The following KDM1A variants were observed in gnomAD, a reference collection of about 807,000 sequenced individuals.
The protein encoded by KDM1A is lysine demethylase 1A, also known as lysine-specific histone demethylase 1A.
Under a neutral mutation model 109.4 loss-of-function variants are expected in KDM1A, and 49 were observed. That is an observed-to-expected ratio of 0.45 (90% confidence interval 0.36 to 0.57). The LOEUF (loss-of-function observed/expected upper bound fraction) is 0.57. Ranked by LOEUF, KDM1A falls within the 20% of genes least tolerant of loss-of-function variation. The probability of loss-of-function intolerance (pLI) is 0.00; values close to 1 mark genes in which losing one functional copy is unlikely to be tolerated. For synonymous variants in KDM1A, 380 were observed against 415.4 expected (o/e 0.91, Z 1.04); for missense variants, 668 against 1,116.6 (o/e 0.60, Z 5.73).
chr1:23,054,586 A>G (rs1284179650), intron 5 of KDM1A, among the ~76,000 whole-genome samples: 1 of 152,072 alleles, frequency 6.6e-6, no homozygotes, highest in Non-Finnish European at 1.5e-5. Context: ...GCCAGGCACC[A>G]TCATGCATGG....
chr1:23,019,623 C>T lies in KDM1A; in HGVS notation c.27C>T (p.Ala9=). The change falls in exon 1 of 21, where the codon GCC becomes GCT. Residue 9 remains alanine (A), a synonymous_variant. Transcript: ENST00000400181. ...TGTTATCTGGGAAGAAGGCGGCAGC[C>T]GCGGCGGCGGCGGCTGCAGCGGCAG... is the stretch of plus-strand genomic sequence containing the variant. The part of the protein sequence containing the change: MLSGKKAA[A]AAAAAAAAAT... 1 of 1,418,186 alleles carries T rather than the reference C, an allele frequency of 7.1e-7. No homozygotes were observed. Among genetic ancestry groups the T allele is most frequent in the Non-Finnish European group, 9.1e-7 (1 of 1,095,160 alleles). The allele number at this position is 1,418,186 out of a possible 1,614,324, so 87.9% of individuals were successfully genotyped here.
At chr1:23,075,973 A>G (rs1453083913) in intron 15 of KDM1A, among the ~76,000 whole-genome samples, 1 of 152,182 alleles carries the variant, frequency 6.6e-6, no homozygotes, top group Non-Finnish European at 1.5e-5. Context: ...TTGACTTCTT[A>G]ATCTTTAGAT....
At chr1:23,064,400 G>A (rs914005118) in intron 9 of KDM1A, among the ~76,000 whole-genome samples, 1 of 152,198 alleles carries the variant, frequency 6.6e-6, no homozygotes, top group Admixed American at 6.5e-5. Flanking sequence ...ATGGGGAGGT[G>A]GAGATTGACT....
At chr1:23,041,435 C>CTTTT (rs66720696) in intron 2 of KDM1A, among the ~76,000 whole-genome samples, 177 of 53,030 alleles carry the variant, frequency 3.3e-3, no homozygotes, top group African/African-American at 5.6e-3. Context: ...TCTTTTCTTG[C>CTTTT]TTTTTTTTTT....
intron 9 of KDM1A, among the ~76,000 whole-genome samples, chr1:23,063,196 T>TGGC (rs1553130153): frequency 0.072 from 2,814 of 39,228 alleles, 337 homozygotes; most frequent in African/African-American, 0.19. Context: ...GCTGTAGCAT[T>TGGC]GGGGGGGGGG....
At chr1:23,022,082 T>C (rs767833058) in intron 1 of KDM1A, among the ~76,000 whole-genome samples, 2 of 152,224 alleles carry the variant, frequency 1.3e-5, no homozygotes, top group African/African-American at 4.8e-5. Flanking sequence ...TTGACGCACA[T>C]TGGGGTTTGT....
intron 15 of KDM1A, 106 bp downstream of exon 15, chr1:23,073,509 A>G: frequency 1.4e-6 from 1 of 690,490 alleles, no homozygotes; most frequent in East Asian, 2.5e-5. Context: ...AGTAAGAGAC[A>G]TCATTTACAT....
At position 23,073,388 on chromosome 1, in the gene KDM1A, T is replaced by C. The variant is rs375423176; in HGVS notation, c.1719T>C (p.Leu573=). ...CCACACCTCTCTCAACTCTCTCCCT[T>C]AAGCACTGGGATCAGGTAAGTTTCC... ...ANATPLSTLS[L]KHWDQDDDFE... Residue 573 remains leucine, a synonymous_variant, in exon 15 of 21, where the codon CTT becomes CTC. Coordinates refer to ENST00000400181, the MANE Select transcript of KDM1A (RefSeq NM_001009999.3). The C allele has an allele frequency of 8.8e-6, 14 of 1,595,818 alleles. No homozygotes were observed. Among genetic ancestry groups the C allele is most frequent in the Non-Finnish European group, 1.2e-5 (14 of 1,163,684 alleles).
intron 1 of KDM1A, among the ~76,000 whole-genome samples, chr1:23,022,762 G>A (rs755879925): frequency 9.0e-5 from 13 of 144,870 alleles, no homozygotes; most frequent in East Asian, 4.3e-4. Flanking sequence ...GGGTTCAAGC[G>A]ATTCTCCTGC....
chr1:23,029,145 A>G (rs1641899007), intron 1 of KDM1A, among the ~76,000 whole-genome samples: 1 of 152,132 alleles, frequency 6.6e-6, no homozygotes. Context: ...AAGAGCAAAA[A>G]GACAGTATAA....
In KDM1A at chr1:23,019,950, A is replaced by G. The variant is rs377073827; in HGVS notation, c.351+3A>G. ...CCAGCCGGCGCAAGCGGGCGAAGGT[A>G]AGGCTCGACCCTTCCCTCAAACGAC... On this transcript the variant is annotated splice_donor_region_variant and intron_variant, in intron 1 of 20. Coordinates refer to ENST00000400181, the MANE Select transcript of KDM1A (RefSeq NM_001009999.3). 56 of 1,552,550 alleles carry G rather than the reference A, an allele frequency of 3.6e-5. No individual in the cohort carries two copies. Among genetic ancestry groups the G allele is most frequent in the Non-Finnish European group, 4.7e-5 (54 of 1,152,718 alleles).
At chr1:23,041,389 CT>C (rs1436060944) in intron 2 of KDM1A, among the ~76,000 whole-genome samples, 1 of 131,128 alleles carries the variant, frequency 7.6e-6, no homozygotes, top group African/African-American at 2.9e-5. Context: ...TGCTTGGTTT[CT>C]TTCTACTCCT....
intron 8 of KDM1A, among the ~76,000 whole-genome samples, chr1:23,058,473 TAA>T (rs1452907418): frequency 6.6e-6 from 1 of 152,184 alleles, no homozygotes; most frequent in Non-Finnish European, 1.5e-5. Flanking sequence ...TTTAGAAATC[TAA>T]AGAGATAGGT....
At position 23,019,823 on chromosome 1, in the gene KDM1A, A is replaced by G; in HGVS notation, c.227A>G (p.Glu76Gly). 1.4e-6 allele frequency: 2 copies of G among 1,426,472 alleles called. No homozygotes were observed. The highest frequency in any genetic ancestry group is 1.8e-6 in the Non-Finnish European group (2 of 1,091,650). 88.4% of individuals were successfully genotyped at this position (1,426,472 alleles called of 1,614,324 possible). The change falls in exon 1 of 21, where the codon GAA becomes GGA. Residue 76 changes from glutamate to glycine, a missense_variant. This residue lies in a region of KDM1A where 156 missense variants were observed against 163.4 expected (regional missense o/e 0.95). Coordinates refer to ENST00000400181, the MANE Select transcript of KDM1A (RefSeq NM_001009999.3). ...PRASPPGGLA[E>G]PPGSAGPQAG... ...GCCTCGCCCCCCGGGGGCCTGGCGG[A>G]ACCGCCGGGGTCCGCAGGGCCTCAG...
intron 3 of KDM1A, among the ~76,000 whole-genome samples, chr1:23,047,559 T>C (rs1642537191): frequency 6.6e-6 from 1 of 152,202 alleles, no homozygotes; most frequent in Non-Finnish European, 1.5e-5. Flanking sequence ...TCATTACATA[T>C]TCTCAAAAAT....
chr1:23,041,302 G>T (rs903707641), intron 2 of KDM1A, among the ~76,000 whole-genome samples: 5 of 151,954 alleles, frequency 3.3e-5, no homozygotes, highest in Non-Finnish European at 7.4e-5. Context: ...ATTATCAAGA[G>T]ATAAATAACT....
At chr1:23,035,170 G>C (rs367560209) in intron 2 of KDM1A, among the ~76,000 whole-genome samples, 1 of 152,014 alleles carries the variant, frequency 6.6e-6, no homozygotes, top group Non-Finnish European at 1.5e-5. Flanking sequence ...AAAGTTTGTA[G>C]GTGTGTGTTT....
rs759361794 is a variant in KDM1A at position 23,082,348 on chromosome 1, G to A, written c.2427G>A (p.Ser809=). The change falls in exon 20 of 21, where the codon TCG becomes TCA. Residue 809 remains serine, a synonymous_variant. Transcript: ENST00000400181. ...LMAQPITPGP[S]IPGAPQPIPR... is the part of the protein sequence containing the mutation. The stretch of plus-strand genomic sequence containing the variant: ...CTCAGCCAATCACTCCTGGCCCCTC[G>A]ATTCCAGGTGCCCCACAGGTGAGAA... 1.6e-5 allele frequency: 25 copies of A among 1,611,974 alleles called. No homozygotes were observed. Among genetic ancestry groups the A allele is most frequent in the Admixed American group, 1.2e-4 (7 of 59,924 alleles).
intron 2 of KDM1A, among the ~76,000 whole-genome samples, chr1:23,042,197 A>T (rs1410868798): frequency 1.3e-5 from 2 of 152,012 alleles, no homozygotes; most frequent in South Asian, 2.1e-4. Flanking sequence ...TAGTGGTGAG[A>T]TACCTTCATG....
Sources: allele counts gnomAD v4.1 joint callset (sites outside exome capture counted in the v4.1 genomes callset), GRCh38; gene constraint gnomAD v4.1.1; regional missense constraint gnomAD v4.1.1; transcripts MANE v1.5; gene names NCBI Gene and HGNC (gene_info 2026-07-23, HGNC 2026-07-21).